RNF103: variants seen among roughly 807,000 people sequenced by gnomAD.
The protein encoded by RNF103 is E3 ubiquitin-protein ligase RNF103.
Under a neutral mutation model 66.2 loss-of-function variants are expected in RNF103, and 23 were observed. The ratio of observed to expected loss-of-function variants is 0.35; its 90% CI spans 0.25 to 0.49. The LOEUF is 0.49. Ranked by LOEUF, RNF103 falls within the 20% of genes least tolerant of loss-of-function variation. The pLI, the probability that RNF103 is intolerant of heterozygous loss-of-function variation, is 0.98. For missense variants in RNF103, 730 were observed against 814.7 expected (o/e 0.90, Z 1.27); for synonymous variants, 297 against 289.9 (o/e 1.02, Z -0.25).
Position 86,604,210 on chromosome 2 carries a change from G to A in RNF103, c.1691C>T (p.Ser564Phe). The A allele has an allele frequency of 1.2e-6, 2 of 1,613,958 alleles. No homozygotes were observed. Among genetic ancestry groups the A allele is most frequent in the African/African-American group, 1.3e-5 (1 of 75,042 alleles). ...ATCACAGTGACTTGCTGTTCCTGGA[G>A]AATTGTGAAGTACGCTTTGCTTATC... ...FEDKQSVLHN[S>F]PGTASHCDAE... is the part of the protein sequence containing the mutation. The change falls in exon 4 of 4, where the codon TCT becomes TTT. Residue 564 changes from serine to phenylalanine, a missense_variant. Physicochemically the swap from Ser to Phe is radical, Grantham distance 155. Around this residue, in one of 3 missense-constraint regions of RNF103, gnomAD observed 355 missense variants for 351.9 expected, o/e 1.01. Transcript: ENST00000237455.
chr2:86,610,354 T>G (rs1678745957), intron 3 of RNF103, among the ~76,000 whole-genome samples: 1 of 152,212 alleles, frequency 6.6e-6, no homozygotes, highest in Middle Eastern at 3.2e-3. Flanking sequence ...TCTCAGCTAA[T>G]ACAGAATCAG....
At chr2:86,615,743 C>T (rs549016831) in intron 2 of RNF103, among the ~76,000 whole-genome samples, 2 of 152,140 alleles carry the variant, frequency 1.3e-5, no homozygotes, top group South Asian at 4.1e-4. Flanking sequence ...CAAAGTACAG[C>T]TTGAGTTCCA....
At chr2:86,607,268 G>C (rs1369657960) in intron 3 of RNF103, among the ~76,000 whole-genome samples, 1 of 152,132 alleles carries the variant, frequency 6.6e-6, no homozygotes, top group South Asian at 2.1e-4. Flanking sequence ...ACTTAGCATG[G>C]ATTATATTTT....
At chr2:86,621,750 T>C (rs905360717) in intron 1 of RNF103, among the ~76,000 whole-genome samples, 1 of 152,144 alleles carries the variant, frequency 6.6e-6, no homozygotes, top group African/African-American at 2.4e-5. Flanking sequence ...AAGATAACCA[T>C]CAGTTTCAGC....
In RNF103 at chr2:86,604,581, G is replaced by A; in HGVS notation, c.1320C>T (p.Arg440=). ...CATTGACTTCATCATTGTTGTTGTT[G>A]CGCCTTCTCTTCTTCTCAAAGTAAT... The part of the protein sequence containing the change: ...LIDYFEKKRR[R]NNNNDEVNAN... The change falls in exon 4 of 4, where the codon CGC becomes CGT. Residue 440 remains arginine (R), a synonymous_variant. Coordinates refer to ENST00000237455, the MANE Select transcript of RNF103 (RefSeq NM_005667.4). 1 of 1,614,158 alleles carries A rather than the reference G, an allele frequency of 6.2e-7. No individual in the cohort carries two copies. Among genetic ancestry groups the A allele is most frequent in the Middle Eastern group, 1.6e-4 (1 of 6,062 alleles).
At chr2:86,615,538 A>ATATATATATATATATAT (rs900412430) in intron 2 of RNF103, among the ~76,000 whole-genome samples, 2 of 137,254 alleles carry the variant, frequency 1.5e-5, no homozygotes, top group Admixed American at 7.9e-5. Flanking sequence ...ATATATATAT[A>ATATATATATATATATAT]ATATATATAC....
intron 2 of RNF103, chr2:86,618,070 G>A (rs1438517339): frequency 2.3e-6 from 1 of 442,028 alleles, no homozygotes; most frequent in Non-Finnish European, 4.6e-6. Flanking sequence ...AAAAACCACA[G>A]AAATACATTC....
In RNF103 at chr2:86,608,064, A is replaced by G. The variant is rs532678617; in HGVS notation, c.483-2646T>C. Among the ~76,000 whole-genome samples, 8 of 152,354 alleles carry G rather than the reference A, an allele frequency of 5.3e-5. No homozygotes were observed. The East Asian group carries it at 5.8e-4, about 11-fold the overall frequency. The stretch of plus-strand genomic sequence containing the variant: ...TTATGATCTGAACAAATTCAATGAC[A>G]ATACCATGAAAATATCCTCTAGTTT... On this transcript the variant is annotated intron_variant, in intron 3 of 3. Coordinates refer to ENST00000237455, the MANE Select transcript of RNF103 (RefSeq NM_005667.4).
Position 86,605,249 on chromosome 2 carries a change from A to G in RNF103, c.652T>C (p.Tyr218His). 6.2e-7 allele frequency: 1 copy of G among 1,614,168 alleles called. No individual in the cohort carries two copies. Among genetic ancestry groups the G allele is most frequent in the Non-Finnish European group, 8.5e-7 (1 of 1,180,034 alleles). The change falls in exon 4 of 4, where the codon TAT becomes CAT. Residue 218 changes from tyrosine to histidine, a missense_variant. This residue lies in a region of RNF103 where 327 missense variants were observed against 369.8 expected (regional missense o/e 0.88). Coordinates refer to ENST00000237455, the MANE Select transcript of RNF103 (RefSeq NM_005667.4). ...AHAASRIKTI[Y>H]NAEHLKEEWN... Reference sequence around the variant, plus strand: ...TCTTCTTTCAAGTGTTCAGCATTATAAATGGTTTTGATCCGAGAAGCTGCA... The same window carrying G: ...TCTTCTTTCAAGTGTTCAGCATTATGAATGGTTTTGATCCGAGAAGCTGCA...
chr2:86,616,361 C>T (rs186697505), intron 2 of RNF103: 214 of 485,584 alleles, frequency 4.4e-4, no homozygotes, highest in African/African-American at 4.3e-3. Context: ...AAATCATAAG[C>T]CAACCTAGTA....
At chr2:86,619,234 T>C (rs1253921981) in intron 2 of RNF103, among the ~76,000 whole-genome samples, 2 of 152,208 alleles carry the variant, frequency 1.3e-5, no homozygotes, top group Non-Finnish European at 2.9e-5. Context: ...GTACCAGACC[T>C]GCAACTAATG....
At chr2:86,609,244 T>C (rs1678689437) in intron 3 of RNF103, among the ~76,000 whole-genome samples, 1 of 152,138 alleles carries the variant, frequency 6.6e-6, no homozygotes, top group African/African-American at 2.4e-5. Context: ...CCACTTCCCC[T>C]TTGACCTTCT....
Position 86,623,665 on chromosome 2 carries a change from G to A in RNF103, c.-779C>T, listed in dbSNP as rs1679329834. The A allele has an allele frequency of 1.7e-6, 2 of 1,168,364 alleles. No homozygotes were observed. Among genetic ancestry groups the A allele is most frequent in the South Asian group, 1.5e-5 (1 of 64,566 alleles). 72.4% of individuals were successfully genotyped at this position (1,168,364 alleles called of 1,614,324 possible). A position where few individuals can be genotyped will look rare whatever the true frequency, so the allele number is the denominator to read the frequency against. On this transcript the variant is annotated 5_prime_UTR_variant, in exon 1 of 4. Transcript: ENST00000237455. ...CTGCAGATGGAATCGGTCTCGGAGGGAAAAAACCAATAATAGGCCCCGAGA... is the reference window on the plus strand; with the variant it reads ...CTGCAGATGGAATCGGTCTCGGAGGAAAAAAACCAATAATAGGCCCCGAGA...
At position 86,604,711 on chromosome 2, in the gene RNF103, G is replaced by A; in HGVS notation, c.1190C>T (p.Ser397Phe). 6.2e-7 allele frequency: 1 copy of A among 1,614,060 alleles called. No homozygotes were observed. Among genetic ancestry groups the A allele is most frequent in the Non-Finnish European group, 8.5e-7 (1 of 1,180,008 alleles). ...CCATGAAGCCAGTGTGGTTGTATTG[G>A]AATATCTCAACAATTTTAAGCTATA... ...YEYSLKLLRY[S>F]NTTTLASWVR... is the part of the protein sequence containing the mutation. Residue 397 changes from serine to phenylalanine, a missense_variant, in exon 4 of 4, where the codon TCC (serine) becomes TTC (phenylalanine). Ser to Phe is a radical substitution (Grantham distance 155). Transcript: ENST00000237455.
chr2:86,618,539 C>T (rs1330174217), intron 2 of RNF103: 1 of 152,324 alleles, frequency 6.6e-6, no homozygotes, highest in African/African-American at 2.4e-5. Flanking sequence ...CAAGAACATA[C>T]TGCTAACTAT....
intron 3 of RNF103, among the ~76,000 whole-genome samples, chr2:86,606,714 A>AT (rs1011482193): frequency 2.0e-5 from 3 of 150,920 alleles, no homozygotes; most frequent in African/African-American, 7.3e-5. Context: ...CAGCTGTTGT[A>AT]TCCCAGTAAA....
At chr2:86,606,543 A>G (rs535147431) in intron 3 of RNF103, among the ~76,000 whole-genome samples, 4 of 151,720 alleles carry the variant, frequency 2.6e-5, no homozygotes, top group South Asian at 2.1e-4. Flanking sequence ...CGTGCCTGTA[A>G]TCCCAGCTAC....
At chr2:86,607,464 T>G (rs569626586) in intron 3 of RNF103, among the ~76,000 whole-genome samples, 23 of 152,234 alleles carry the variant, frequency 1.5e-4, no homozygotes, top group Non-Finnish European at 2.9e-4. Flanking sequence ...GAAAACTGTC[T>G]AGGTGACTCA....
rs1210957915 is a variant in RNF103, at chr2:86,623,298, G to A, written c.-412C>T. 2 of 991,324 alleles carry A rather than the reference G, an allele frequency of 2.0e-6. No homozygotes were observed. Among genetic ancestry groups the A allele is most frequent in the African/African-American group, 1.7e-5 (1 of 57,238 alleles). The allele number at this position is 991,324 out of a possible 1,614,324, so 61.4% of individuals were successfully genotyped here. The stretch of plus-strand genomic sequence containing the variant: ...TCCGGTGCCGCGATCTCAAGGGGGA[G>A]GGGGAGACCAAAAAATAACTCAGAT... On this transcript the variant is annotated 5_prime_UTR_variant, in exon 1 of 4. Transcript: ENST00000237455.
Sources: gnomAD v4.1 joint callset for allele counts (sites outside exome capture counted in the v4.1 genomes callset) on GRCh38, gnomAD v4.1.1 for gene constraint, gnomAD v4.1.1 regional missense constraint, MANE v1.5 for transcripts, NCBI Gene and HGNC (gene_info 2026-07-23, HGNC 2026-07-21) for gene names.